MAD1L1: variants seen among roughly 807,000 people sequenced by gnomAD.
MAD1L1 encodes the protein mitotic spindle assembly checkpoint protein MAD1.
MAD1L1 carries 95 observed loss-of-function variants against 96.9 expected under a neutral mutation model. That is an observed-to-expected ratio of 0.98 (90% CI 0.83 to 1.16). The LOEUF is 1.16. Ranked by LOEUF, MAD1L1 falls within the 50% of genes most tolerant of loss-of-function variation. MAD1L1 has a pLI of 0.00. For synonymous variants in MAD1L1, 473 were observed against 396.6 expected (o/e 1.19, Z -2.29); for missense variants, 1,007 against 954.4 (o/e 1.06, Z -0.73).
At position 1,874,393 on chromosome 7, in the gene MAD1L1, C is replaced by T. The variant is rs555953407; in HGVS notation, c.1998+23807G>A. The T allele has an allele frequency of 4.2e-4, 165 of 390,512 alleles. 1 individual carries two copies. Among genetic ancestry groups the T allele is most frequent in the South Asian group, 2.8e-3 (152 of 53,838 alleles). The allele number at this position is 390,512 out of a possible 1,614,324, so 24.2% of individuals were successfully genotyped here. The stretch of plus-strand genomic sequence containing the variant: ...AGGAGACGTTGCAGCAGCACCGGGA[C>T]GGGGGTAAGACGGTGGCCAGGCCGT... On this transcript the variant is annotated intron_variant, in intron 18 of 18. Transcript: ENST00000265854.
rs1159755117 is a variant in MAD1L1 at position 1,898,430 on chromosome 7, G to A, written c.1808-40C>T. 1.8e-5 allele frequency: 29 copies of A among 1,586,250 alleles called. 1 individual carries two copies. The highest frequency in any genetic ancestry group is 2.2e-5 in the Non-Finnish European group (26 of 1,159,234). ...GAAGGAGACAGTGAGTGCGGCACCA[G>A]GCCGGAGGGGTGGGGACCCGGGAGC... On this transcript the variant is annotated intron_variant, in intron 17 of 18. Coordinates refer to ENST00000265854, the MANE Select transcript of MAD1L1 (RefSeq NM_001013836.2).
chr7:1,902,979 C>G (rs1313586243), intron 17 of MAD1L1, among the ~76,000 whole-genome samples: 1 of 149,520 alleles, frequency 6.7e-6, no homozygotes. Flanking sequence ...ACCCAGTGGC[C>G]TACAGAAGAC....
At chr7:1,822,590 G>A (rs1326506791) in intron 18 of MAD1L1, among the ~76,000 whole-genome samples, 2 of 151,736 alleles carry the variant, frequency 1.3e-5, no homozygotes, top group African/African-American at 4.8e-5. Flanking sequence ...ACCACTCATG[G>A]CTGTATTTTT....
intron 10 of MAD1L1, among the ~76,000 whole-genome samples, chr7:2,172,314 A>G (rs575956659): frequency 1.3e-5 from 2 of 152,148 alleles, no homozygotes; most frequent in Non-Finnish European, 2.9e-5. Context: ...GTCTGGCCCA[A>G]GATTACACCG....
intron 16 of MAD1L1, among the ~76,000 whole-genome samples, chr7:1,957,026 G>A (rs1267167801): frequency 6.6e-6 from 1 of 152,208 alleles, no homozygotes; most frequent in African/African-American, 2.4e-5. Flanking sequence ...AGCCTCTGGT[G>A]GGCGGGCAGC....
At position 2,088,076 on chromosome 7, in the gene MAD1L1, G is replaced by A. The variant is rs3778957; in HGVS notation, c.1074-18738C>T. On this transcript the variant is annotated intron_variant, in intron 11 of 18. Coordinates refer to ENST00000265854, the MANE Select transcript of MAD1L1 (RefSeq NM_001013836.2). This position sits in a 1 kb window ranked among gnomAD's most constrained non-coding sequence, Gnocchi z 4.4. ...TTAGAGAAGAAGAAGACTGGGACTC[G>A]GACCACACTGACTTCTCCCCTTTAA... is the stretch of plus-strand genomic sequence containing the variant. Among the ~76,000 whole-genome samples, 7,982 of 152,194 alleles carry A rather than the reference G, an allele frequency of 0.052. 380 individuals are homozygous for A. The highest frequency in any genetic ancestry group is 0.12 in the African/African-American group (4,947 of 41,476).
intron 15 of MAD1L1, among the ~76,000 whole-genome samples, chr7:1,976,302 T>C (rs1454215429): frequency 6.6e-6 from 1 of 152,254 alleles, no homozygotes; most frequent in Non-Finnish European, 1.5e-5. Context: ...ATGGTGTGTC[T>C]GGAGTTTGTT....
chr7:1,892,921 T>A (rs1033837867), intron 18 of MAD1L1, among the ~76,000 whole-genome samples: 2 of 152,290 alleles, frequency 1.3e-5, no homozygotes, highest in African/African-American at 4.8e-5. Context: ...CCACTGATTT[T>A]CTCCCTCTCG....
At chr7:2,157,263 G>C (rs992238001) in intron 10 of MAD1L1, among the ~76,000 whole-genome samples, 1 of 152,152 alleles carries the variant, frequency 6.6e-6, no homozygotes, top group Admixed American at 6.5e-5. Context: ...GGGAGGCCTG[G>C]CTCCACTGAC....
chr7:1,848,317 T>G, intron 18 of MAD1L1: 1 of 160,696 alleles, frequency 6.2e-6, no homozygotes, highest in South Asian at 1.8e-4. Context: ...GACAGAAGTG[T>G]GGGTGGGCTG....
chr7:2,154,989 G>C (rs902089572), intron 10 of MAD1L1, among the ~76,000 whole-genome samples: 2 of 152,064 alleles, frequency 1.3e-5, no homozygotes, highest in Non-Finnish European at 2.9e-5. Flanking sequence ...GAGGAGCCCA[G>C]GAGGCTCTGG....
intron 18 of MAD1L1, among the ~76,000 whole-genome samples, chr7:1,888,039 ATGTG>A (rs1301661492): frequency 1.7e-4 from 22 of 126,906 alleles, no homozygotes; most frequent in African/African-American, 5.8e-4. Context: ...GAGACTGAGC[ATGTG>A]TGTGTGAGCC....
intron 2 of MAD1L1, 90 bp from the exon 3 acceptor site, chr7:2,230,233 C>A (rs1387224728): frequency 2.0e-6 from 2 of 984,992 alleles, no homozygotes; most frequent in Non-Finnish European, 3.0e-6. Context: ...CAGCCCCACT[C>A]CCCTAACGCA....
intron 18 of MAD1L1, among the ~76,000 whole-genome samples, chr7:1,895,233 A>G (rs1786791963): frequency 6.6e-6 from 1 of 152,128 alleles, no homozygotes. Context: ...CAGAAATGAA[A>G]CCGATGGACC....
chr7:2,009,054 A>G (rs925219419), intron 13 of MAD1L1, among the ~76,000 whole-genome samples: 4 of 152,154 alleles, frequency 2.6e-5, no homozygotes, highest in African/African-American at 9.7e-5. Flanking sequence ...GCACCGAGTG[A>G]CCAGGGAGCT....
Position 2,114,544 on chromosome 7 carries a change from G to A in MAD1L1, c.1073+34608C>T, listed in dbSNP as rs568849199. Among the ~76,000 whole-genome samples, 3 of 152,362 alleles carry A rather than the reference G, an allele frequency of 2.0e-5. No individual in the cohort carries two copies. Among genetic ancestry groups the A allele is most frequent in the South Asian group, 4.1e-4 (2 of 4,826 alleles). On this transcript the variant is annotated intron_variant, in intron 11 of 18. Coordinates refer to ENST00000265854, the MANE Select transcript of MAD1L1 (RefSeq NM_001013836.2). The surrounding 1 kb of genome is among the most constrained non-coding windows in gnomAD (Gnocchi z 4.2). ...TCCCTGCAGCAAGGCCCAAGCCGAC[G>A]TCACGTGGCAGAAGGATCTTCATGA...
intron 11 of MAD1L1, among the ~76,000 whole-genome samples, chr7:2,098,245 C>T (rs953072832): frequency 7.9e-5 from 12 of 152,212 alleles, no homozygotes; most frequent in South Asian, 2.1e-4. Context: ...GCCAAAGCCC[C>T]GTAGCACCAG....
At chr7:2,122,375 C>T (rs1474336057) in intron 11 of MAD1L1, among the ~76,000 whole-genome samples, 2 of 152,170 alleles carry the variant, frequency 1.3e-5, no homozygotes, top group Admixed American at 6.6e-5. Flanking sequence ...CGCTTGTAAT[C>T]CTAAAAGTTT....
intron 4 of MAD1L1, among the ~76,000 whole-genome samples, chr7:2,223,148 G>A (rs751859674): frequency 6.6e-6 from 1 of 152,196 alleles, no homozygotes; most frequent in East Asian, 1.9e-4. Context: ...CGCTCTGTCC[G>A]GCACTGAAAG....
Sources: allele counts gnomAD v4.1 joint callset (sites outside exome capture counted in the v4.1 genomes callset), GRCh38; gene constraint gnomAD v4.1.1; non-coding constraint Gnocchi (gnomAD v3.1); transcripts MANE v1.5; gene names NCBI Gene and HGNC (gene_info 2026-07-23, HGNC 2026-07-21).